TRPM6: variants seen among roughly 807,000 people sequenced by gnomAD.
TRPM6 encodes transient receptor potential cation channel subfamily M member 6, also known as channel kinase 2.
A neutral mutation model predicts 247.6 loss-of-function variants in TRPM6; 111 were observed. The observed-to-expected ratio is 0.45, with a 90% CI of 0.38 to 0.52. The LOEUF (loss-of-function observed/expected upper bound fraction) is 0.52, where lower values mean the gene tolerates loss of function less well. TRPM6 is among the 20% of genes least tolerant of loss of function. The pLI, the probability that TRPM6 is intolerant of heterozygous loss-of-function variation, is 0.00. For synonymous variants in TRPM6, 892 were observed against 853.8 expected, an observed-to-expected ratio of 1.04 and a Z score of -0.78; for missense variants, 2,126 against 2,421.5, an observed-to-expected ratio of 0.88 and a Z score of 2.56.
chr9:74,724,405 A>C lies in TRPM6; in HGVS notation c.*208T>G, dbSNP rs1202074517. ...ATCTTCGTGTGGAACTTGAGGATGG[A>C]GCTGCAAAGTGCCCTGGACAGAGGT... On this transcript the variant is annotated 3_prime_UTR_variant, in exon 39 of 39. Transcript: ENST00000360774. 2 of 630,968 alleles carry C rather than the reference A, an allele frequency of 3.2e-6. No individual in the cohort carries two copies. The highest frequency in any genetic ancestry group is 5.5e-6 in the Non-Finnish European group (2 of 362,188). 39.1% of individuals were successfully genotyped at this position (630,968 alleles called of 1,614,324 possible). A position where few individuals can be genotyped will look rare whatever the true frequency, so the allele number is the denominator to read the frequency against.
intron 3 of TRPM6, among the ~76,000 whole-genome samples, chr9:74,852,619 GTGCCTGGGAT>G (rs1830369958): frequency 1.3e-5 from 2 of 152,286 alleles, no homozygotes; most frequent in African/African-American, 4.8e-5. Context: ...AGCCTGCCGA[GTGCCTGGGAT>G]TGCAGGCGCG....
chr9:74,759,871 G>T (rs775159086), intron 27 of TRPM6, among the ~76,000 whole-genome samples: 8 of 151,294 alleles, frequency 5.3e-5, no homozygotes, highest in African/African-American at 1.9e-4. Flanking sequence ...CTCAAAAAAG[G>T]ATTTATATCT....
At chr9:74,874,311 C>T (rs1051361959) in intron 1 of TRPM6, among the ~76,000 whole-genome samples, 2 of 151,634 alleles carry the variant, frequency 1.3e-5, no homozygotes, top group African/African-American at 4.9e-5. Context: ...CAGTGGGATA[C>T]CAAGAATCTT....
intron 1 of TRPM6, chr9:74,887,456 T>C: frequency 9.3e-7 from 1 of 1,071,286 alleles, no homozygotes; most frequent in Non-Finnish European, 1.3e-6. Context: ...CGAACTCCTC[T>C]CCCTCCGGCC....
At chr9:74,883,633 A>G (rs374950689) in intron 1 of TRPM6, among the ~76,000 whole-genome samples, 1 of 152,224 alleles carries the variant, frequency 6.6e-6, no homozygotes, top group Non-Finnish European at 1.5e-5. Context: ...GTGTATTGAC[A>G]TGGAAAAATC....
At chr9:74,740,566 A>G (rs879734438) in intron 33 of TRPM6, among the ~76,000 whole-genome samples, 1 of 152,246 alleles carries the variant, frequency 6.6e-6, no homozygotes, top group Admixed American at 6.5e-5. Context: ...CACAAAATTC[A>G]TCTTTTTCAT....
intron 1 of TRPM6, 146 bp from the exon 2 acceptor site, chr9:74,858,894 A>T (rs1830610452): frequency 1.6e-6 from 1 of 636,224 alleles, no homozygotes; most frequent in Non-Finnish European, 2.7e-6. Context: ...AGCATTTACC[A>T]GTTTCTATTA....
intron 7 of TRPM6, chr9:74,826,732 CTTTCTTT>C (rs1315894164): frequency 0.34 from 38,105 of 111,920 alleles, 5,091 homozygotes; most frequent in East Asian, 0.62. Context: ...TTTTCTTTTT[CTTTCTTT>C]TTTTTTTTTT....
chr9:74,770,399 T>G (rs923950009), intron 25 of TRPM6, among the ~76,000 whole-genome samples: 1 of 152,204 alleles, frequency 6.6e-6, no homozygotes, highest in Non-Finnish European at 1.5e-5. Flanking sequence ...ACAATTCTGT[T>G]TTAAAAAAAT....
intron 23 of TRPM6, among the ~76,000 whole-genome samples, chr9:74,781,003 TA>T (rs1827420856): frequency 6.6e-6 from 1 of 152,058 alleles, no homozygotes; most frequent in African/African-American, 2.4e-5. Flanking sequence ...AGAAATCTAT[TA>T]AATTTCTAAC....
rs1041175364 is a variant in TRPM6 at position 74,799,894 on chromosome 9, A to G, written c.2238+360T>C. 9.4e-6 allele frequency: 3 copies of G among 320,586 alleles called. No individual in the cohort carries two copies. The East Asian group carries it at 2.3e-4, about 24-fold the overall frequency. The allele number at this position is 320,586 out of a possible 1,614,324, so 19.9% of individuals were successfully genotyped here. A position where few individuals can be genotyped will look rare whatever the true frequency, so the allele number is the denominator to read the frequency against. On this transcript the variant is annotated intron_variant, in intron 17 of 38. Coordinates refer to ENST00000360774, the MANE Select transcript of TRPM6 (RefSeq NM_017662.5). ...TCTGTGAGAATCAAATATATTAACTAGGATGTGAGGGCGATCTGGCTGTGA... is the reference window on the plus strand; with the variant it reads ...TCTGTGAGAATCAAATATATTAACTGGGATGTGAGGGCGATCTGGCTGTGA...
intron 25 of TRPM6, among the ~76,000 whole-genome samples, chr9:74,765,408 A>C (rs1424661801): frequency 6.6e-6 from 1 of 151,014 alleles, no homozygotes; most frequent in Non-Finnish European, 1.5e-5. Context: ...TATGTGGAAG[A>C]CTAAATTTTA....
intron 26 of TRPM6, 35 bp from the exon 27 acceptor site, chr9:74,761,843 A>G (rs758471242): frequency 5.3e-5 from 82 of 1,543,352 alleles, no homozygotes; most frequent in Middle Eastern, 5.1e-4. Context: ...AAAGTTGACA[A>G]CAGTAAGTGG....
chr9:74,770,393 TTC>T (rs538712713), intron 25 of TRPM6, among the ~76,000 whole-genome samples: 99 of 152,310 alleles, frequency 6.5e-4, no homozygotes, highest in African/African-American at 1.9e-3. Flanking sequence ...ACAAGAACAA[TTC>T]TGTTTTAAAA....
rs146177284 is a variant in TRPM6 at position 74,797,936 on chromosome 9, T to A, written c.2239-1043A>T. Among the ~76,000 whole-genome samples the A allele has an allele frequency of 2.5e-3, 378 of 152,274 alleles. 2 individuals are homozygous for A. Among genetic ancestry groups the A allele is most frequent in the Non-Finnish European group, 2.5e-3 (170 of 68,004 alleles). Reference sequence around the variant, plus strand: ...CACCTTCTGTTAGATCCATCTCCCATCCCACACGTATCTTTTCTCTACTAG... The same window carrying A: ...CACCTTCTGTTAGATCCATCTCCCAACCCACACGTATCTTTTCTCTACTAG... On this transcript the variant is annotated intron_variant, in intron 17 of 38. Transcript: ENST00000360774.
intron 23 of TRPM6, among the ~76,000 whole-genome samples, chr9:74,781,036 G>T (rs561306572): frequency 6.6e-6 from 1 of 152,128 alleles, no homozygotes; most frequent in Non-Finnish European, 1.5e-5. Context: ...GGGGCCAGTT[G>T]GATCTCCATG....
chr9:74,843,837 T>C (rs1039892409), intron 3 of TRPM6, among the ~76,000 whole-genome samples: 7 of 145,972 alleles, frequency 4.8e-5, no homozygotes, highest in Non-Finnish European at 9.0e-5. Context: ...AAAAAAAGAG[T>C]TGAAATTTAA....
chr9:74,771,996 AAAC>A (rs1418261404), intron 24 of TRPM6, among the ~76,000 whole-genome samples, 161 bp from the exon 25 acceptor site: 9 of 152,230 alleles, frequency 5.9e-5, no homozygotes, highest in Non-Finnish European at 1.5e-5. Context: ...CAGCACCAAT[AAAC>A]AACTGGGAGC....
chr9:74,837,266 T>C (rs1160057146), intron 5 of TRPM6, among the ~76,000 whole-genome samples: 2 of 152,144 alleles, frequency 1.3e-5, no homozygotes, highest in African/African-American at 4.8e-5. Flanking sequence ...GGGAATCATC[T>C]GGGGATGTTG....
Sources: allele counts gnomAD v4.1 joint callset (sites outside exome capture counted in the v4.1 genomes callset), GRCh38; gene constraint gnomAD v4.1.1; transcripts MANE v1.5; gene names NCBI Gene and HGNC (gene_info 2026-07-23, HGNC 2026-07-21).